Variants in PDE7B observed in about 807,000 individuals in gnomAD.
The protein encoded by PDE7B is phosphodiesterase 7B.
In PDE7B, 29 loss-of-function variants were observed where a neutral mutation model predicts 56.2. The observed-to-expected ratio is 0.52, with a 90% CI of 0.38 to 0.70. The LOEUF (loss-of-function observed/expected upper bound fraction) is 0.70, where lower values mean the gene tolerates loss of function less well. PDE7B is among the 30% of genes least tolerant of loss of function. PDE7B has a pLI of 0.00. For missense variants in PDE7B, 490 were observed against 565.0 expected, an observed-to-expected ratio of 0.87 and a Z score of 1.35; for synonymous variants, 197 against 196.9, an observed-to-expected ratio of 1.00 and a Z score of 0.00.
rs367973321 is a variant in PDE7B at position 135,936,445 on chromosome 6, G to A, written c.22-11019G>A. Among the ~76,000 whole-genome samples the A allele has an allele frequency of 5.4e-4, 82 of 152,298 alleles. 1 individual carries two copies. In the South Asian group the frequency reaches 0.016, roughly 30 times the overall value. On this transcript the variant is annotated intron_variant, in intron 1 of 12. Coordinates refer to ENST00000308191, the MANE Select transcript of PDE7B (RefSeq NM_018945.4). Reference sequence around the variant, plus strand: ...CTTGGACACATCGACCAGATGGCTGGAGTTTAACAAGTGTGAGTACATATT... The same window carrying A: ...CTTGGACACATCGACCAGATGGCTGAAGTTTAACAAGTGTGAGTACATATT...
At position 136,193,118 on chromosome 6, in the gene PDE7B, CAG is replaced by C. The variant is rs1332231023; in HGVS notation, c.*1280_*1281del. ...GCTTGTGTTTATGTGACTCTTGTTACAGATCATGGCGGTGCGTCAGCCTCACA... is the reference window on the plus strand; with the variant it reads ...GCTTGTGTTTATGTGACTCTTGTTACATCATGGCGGTGCGTCAGCCTCACA... On this transcript the variant is annotated 3_prime_UTR_variant, in exon 13 of 13. Transcript: ENST00000308191. 2.6e-5 allele frequency: 4 copies of C among 152,622 alleles called. No individual in the cohort carries two copies. Among genetic ancestry groups the C allele is most frequent in the Non-Finnish European group, 5.9e-5 (4 of 68,040 alleles). 9.5% of individuals were successfully genotyped at this position (152,622 alleles called of 1,614,324 possible). A position where few individuals can be genotyped will look rare whatever the true frequency, so the allele number is the denominator to read the frequency against.
At chr6:135,957,157 C>T (rs978523367) in intron 2 of PDE7B, among the ~76,000 whole-genome samples, 2 of 152,078 alleles carry the variant, frequency 1.3e-5, no homozygotes, top group African/African-American at 2.4e-5. Context: ...TGCCTGGGTC[C>T]GGCCAGGCAG....
intron 12 of PDE7B, among the ~76,000 whole-genome samples, chr6:136,190,409 T>C (rs1289833471): frequency 1.3e-5 from 2 of 152,196 alleles, no homozygotes; most frequent in African/African-American, 2.4e-5. Flanking sequence ...TCCATCTCTA[T>C]GGCATTCTCA....
intron 2 of PDE7B, among the ~76,000 whole-genome samples, chr6:136,098,491 A>T (rs1777507511): frequency 6.6e-6 from 1 of 152,204 alleles, no homozygotes; most frequent in South Asian, 2.1e-4. Flanking sequence ...TTTAACAGTA[A>T]ATGATTTTCT....
At chr6:135,940,694 T>G (rs1583785289) in intron 1 of PDE7B, among the ~76,000 whole-genome samples, 1 of 152,338 alleles carries the variant, frequency 6.6e-6, no homozygotes, top group East Asian at 1.9e-4. Flanking sequence ...CCCAGATGTT[T>G]GGAAATGTCA....
intron 1 of PDE7B, among the ~76,000 whole-genome samples, chr6:135,874,190 G>T (rs1454049516): frequency 6.6e-6 from 1 of 152,170 alleles, no homozygotes; most frequent in Non-Finnish European, 1.5e-5. Flanking sequence ...AGAGGACACA[G>T]CAAGTGCAAA....
intron 2 of PDE7B, among the ~76,000 whole-genome samples, chr6:135,973,161 C>G (rs763623290): frequency 6.6e-6 from 1 of 151,072 alleles, no homozygotes; most frequent in Non-Finnish European, 1.5e-5. Flanking sequence ...TGGAAACCAC[C>G]GGTATTCTAC....
intron 2 of PDE7B, among the ~76,000 whole-genome samples, chr6:136,012,353 G>A (rs1775909856): frequency 6.6e-6 from 1 of 152,120 alleles, no homozygotes; most frequent in African/African-American, 2.4e-5. Context: ...GCAATGTCTG[G>A]GTAAGAGGAG....
chr6:135,888,944 A>G (rs1048930402), intron 1 of PDE7B, among the ~76,000 whole-genome samples: 1 of 152,240 alleles, frequency 6.6e-6, no homozygotes. Context: ...TGTGATTTCT[A>G]TAAGTTACAA....
chr6:135,898,091 C>T (rs1280187249), intron 1 of PDE7B, among the ~76,000 whole-genome samples: 1 of 152,178 alleles, frequency 6.6e-6, no homozygotes, highest in Non-Finnish European at 1.5e-5. Context: ...CACATGGTCA[C>T]TCATAGCTGG....
chr6:135,899,663 T>C (rs889844758), intron 1 of PDE7B, among the ~76,000 whole-genome samples: 1 of 151,912 alleles, frequency 6.6e-6, no homozygotes, highest in Non-Finnish European at 1.5e-5. Flanking sequence ...CCTATATAAA[T>C]AGTAATTCTT....
chr6:136,175,598 C>CTTGA (rs1778964324), intron 9 of PDE7B, among the ~76,000 whole-genome samples: 1 of 152,088 alleles, frequency 6.6e-6, no homozygotes, highest in Admixed American at 6.6e-5. Context: ...ATTTGGGGAA[C>CTTGA]TTATTTTACA....
rs1166547929 is a variant in PDE7B, at chr6:136,192,344, A to T, written c.*504A>T. On this transcript the variant is annotated 3_prime_UTR_variant, in exon 13 of 13. Transcript: ENST00000308191. ...TCTATTTTAATAATAATATTATTAT[A>T]AAAATAATAAATCTTTTTAACTTTT... 1 of 152,134 alleles carries T rather than the reference A, an allele frequency of 6.6e-6. No homozygotes were observed. The highest frequency in any genetic ancestry group is 2.1e-4 in the South Asian group (1 of 4,836). The allele number at this position is 152,134 out of a possible 1,614,324, so 9.4% of individuals were successfully genotyped here.
At chr6:136,173,367 A>T (rs1347424933) in intron 8 of PDE7B, among the ~76,000 whole-genome samples, 1 of 152,160 alleles carries the variant, frequency 6.6e-6, no homozygotes, top group Non-Finnish European at 1.5e-5. Context: ...CAACTATCTG[A>T]TCTTTGACAA....
chr6:136,031,999 T>C (rs1435795041), intron 2 of PDE7B, among the ~76,000 whole-genome samples: 1 of 152,196 alleles, frequency 6.6e-6, no homozygotes, highest in African/African-American at 2.4e-5. Flanking sequence ...ATCTCACTTA[T>C]TTTAAAAAAT....
chr6:136,074,725 G>A (rs188715128), intron 2 of PDE7B, among the ~76,000 whole-genome samples: 12 of 152,156 alleles, frequency 7.9e-5, no homozygotes, highest in African/African-American at 2.4e-4. Flanking sequence ...AACGACCTCC[G>A]AGTGAATCCA....
intron 1 of PDE7B, among the ~76,000 whole-genome samples, chr6:135,901,781 C>T (rs1776005149): frequency 6.6e-6 from 1 of 152,154 alleles, no homozygotes; most frequent in Non-Finnish European, 1.5e-5. Context: ...ACACAAAATT[C>T]CTAGTTTTCA....
rs956569063 is a variant in PDE7B at position 135,900,731 on chromosome 6, A to AT, written c.22-46724dup. The stretch of plus-strand genomic sequence containing the variant: ...CCTTAGGATAATTTCCTTATTCTGT[A>AT]TTTTTTTTTCAAAATTCTCACATAT... On this transcript the variant is annotated intron_variant, in intron 1 of 12. Coordinates refer to ENST00000308191, the MANE Select transcript of PDE7B (RefSeq NM_018945.4). Among the ~76,000 whole-genome samples the AT allele has an allele frequency of 4.5e-3, 681 of 150,510 alleles. 6 individuals carry two copies. Among genetic ancestry groups the AT allele is most frequent in the African/African-American group, 7.8e-3 (318 of 41,026 alleles).
intron 2 of PDE7B, among the ~76,000 whole-genome samples, chr6:136,036,758 A>G (rs1315639897): frequency 6.6e-6 from 1 of 152,244 alleles, no homozygotes; most frequent in Non-Finnish European, 1.5e-5. Flanking sequence ...GCAAAATGGC[A>G]TGCCAAGCAA....
Sources: gnomAD v4.1 joint callset for allele counts (sites outside exome capture counted in the v4.1 genomes callset) on GRCh38, gnomAD v4.1.1 for gene constraint, MANE v1.5 for transcripts, NCBI Gene and HGNC (gene_info 2026-07-23, HGNC 2026-07-21) for gene names.